The following SH3BP5L variants were observed in gnomAD, a reference collection of about 807,000 sequenced individuals.
SH3BP5L encodes SH3 binding domain protein 5 like, also known as SH3 domain-binding protein 5-like.
SH3BP5L carries 16 observed loss-of-function variants against 40.9 expected under a neutral mutation model. The observed-to-expected ratio is 0.39, with a 90% CI of 0.27 to 0.59. The LOEUF (loss-of-function observed/expected upper bound fraction) is 0.59. SH3BP5L is among the 20% of genes least tolerant of loss of function. The probability of loss-of-function intolerance (pLI) is 0.53; values close to 1 mark genes in which losing one functional copy is unlikely to be tolerated. For synonymous variants in SH3BP5L, 229 were observed against 226.7 expected (o/e 1.01, Z -0.09); for missense variants, 471 against 544.6 (o/e 0.86, Z 1.35).
rs1488648685 is a variant in SH3BP5L at position 248,816,528 on chromosome 1, C to T, written c.375+6G>A. ...GCCTTCCTCAAACGTGGTCAGCCAG[C>T]CATACCTCCTTAGCCAGCCGCCGAG... On this transcript the variant is annotated splice_donor_region_variant and intron_variant, in intron 4 of 6. Coordinates refer to ENST00000366472, the MANE Select transcript of SH3BP5L (RefSeq NM_030645.3). 1 of 1,613,806 alleles carries T rather than the reference C, an allele frequency of 6.2e-7. No homozygotes were observed. Among genetic ancestry groups the T allele is most frequent in the Admixed American group, 1.7e-5 (1 of 59,992 alleles).
rs754859644 is a variant in SH3BP5L at position 248,812,233 on chromosome 1, G to C, written c.849C>G (p.Pro283=). 1.9e-5 allele frequency: 31 copies of C among 1,609,606 alleles called. No homozygotes were observed. Among genetic ancestry groups the C allele is most frequent in the Admixed American group, 1.7e-4 (10 of 59,774 alleles). The part of the protein sequence containing the change: ...ARRRGGLPPH[P]LGPRRSSPVG... ...CGGGGGAGGAGCGCCGAGGGCCCAG[G>C]GGGTGGGGAGGCAGACCCCCGCGGC... The change falls in exon 7 of 7, where the codon CCC becomes CCG. Residue 283 remains proline (P), a synonymous_variant. Transcript: ENST00000366472. This position sits in a 1 kb window ranked among gnomAD's most constrained non-coding sequence, Gnocchi z 6.1.
In SH3BP5L at chr1:248,811,699, G is replaced by A; in HGVS notation, c.*201C>T. 1 of 523,440 alleles carries A rather than the reference G, an allele frequency of 1.9e-6. No homozygotes were observed. The highest frequency in any genetic ancestry group is 3.2e-5 in the East Asian group (1 of 31,086). The allele number at this position is 523,440 out of a possible 1,614,324, so 32.4% of individuals were successfully genotyped here. A position where few individuals can be genotyped will look rare whatever the true frequency, so the allele number is the denominator to read the frequency against. Reference sequence around the variant, plus strand: ...CTTCTGAATGGGTAAGGCAAAGAGAGCCGCCTGCTGAGGGGAAGGGGGAGG... The same window carrying A: ...CTTCTGAATGGGTAAGGCAAAGAGAACCGCCTGCTGAGGGGAAGGGGGAGG... On this transcript the variant is annotated 3_prime_UTR_variant, in exon 7 of 7. Coordinates refer to ENST00000366472, the MANE Select transcript of SH3BP5L (RefSeq NM_030645.3).
intron 4 of SH3BP5L, chr1:248,816,305 A>G (rs888443571): frequency 1.9e-6 from 1 of 529,830 alleles, no homozygotes; most frequent in African/African-American, 1.9e-5. Context: ...AGCAGGGCTG[A>G]ACTAAATATT....
chr1:248,811,862 G>T lies in SH3BP5L; in HGVS notation c.*38C>A, dbSNP rs1191517122. The T allele has an allele frequency of 1.4e-6, 2 of 1,416,532 alleles. No individual in the cohort carries two copies. The highest frequency in any genetic ancestry group is 2.3e-5 in the Admixed American group (1 of 43,096). 87.7% of individuals were successfully genotyped at this position (1,416,532 alleles called of 1,614,324 possible). On this transcript the variant is annotated 3_prime_UTR_variant, in exon 7 of 7. Coordinates refer to ENST00000366472, the MANE Select transcript of SH3BP5L (RefSeq NM_030645.3). ...GAAGACTGTGGGCCCCAACCGGCCC[G>T]TGGTGGCAGATTCAAGCCAGGAACC...
At chr1:248,820,578 GGAT>G (rs1664232813) in intron 2 of SH3BP5L, 1 of 152,206 alleles carries the variant, frequency 6.6e-6, no homozygotes, top group African/African-American at 2.4e-5. Flanking sequence ...ACTTGGGTCT[GGAT>G]CCAGGACCGA....
chr1:248,814,418 G>A (rs755622872), intron 5 of SH3BP5L, 31 bp downstream of exon 5: 21 of 1,612,108 alleles, frequency 1.3e-5, no homozygotes, highest in East Asian at 2.2e-5. Flanking sequence ...GAGAACCAGC[G>A]AAGGGGACCT....
Position 248,824,993 on chromosome 1 carries a change from G to T in SH3BP5L, c.-58C>A. The T allele has an allele frequency of 1.3e-6, 2 of 1,533,618 alleles. No individual in the cohort carries two copies. The highest frequency in any genetic ancestry group is 1.7e-6 in the Non-Finnish European group (2 of 1,145,118). ...AGAGAGGACTGACATGCTGGGACCA[G>T]GGCCCCAGCTTGGGGCTTCCTGGGC... On this transcript the variant is annotated 5_prime_UTR_variant, in exon 2 of 7. It adds an upstream start codon to the 5' untranslated region. Coordinates refer to ENST00000366472, the MANE Select transcript of SH3BP5L (RefSeq NM_030645.3).
At chr1:248,818,353 C>CA (rs1664162457) in intron 2 of SH3BP5L, among the ~76,000 whole-genome samples, 1 of 77,380 alleles carries the variant, frequency 1.3e-5, no homozygotes, top group Admixed American at 1.4e-4. Context: ...ATCACAAAAA[C>CA]AAAAAACAAA....
rs916259579 is a variant in SH3BP5L, at chr1:248,821,024, C to T, written c.183+3729G>A. The stretch of plus-strand genomic sequence containing the variant: ...GCACCTCCAGCAATTTACAGAAAGC[C>T]ATCTGCTGATGGGATCTGTCCCCTC... On this transcript the variant is annotated intron_variant, in intron 2 of 6. Transcript: ENST00000366472. The surrounding 1 kb of genome is among the most constrained non-coding windows in gnomAD (Gnocchi z 4.6). 1 of 152,208 alleles carries T rather than the reference C, an allele frequency of 6.6e-6. No homozygotes were observed. The highest frequency in any genetic ancestry group is 2.4e-5 in the African/African-American group (1 of 41,454). The allele number at this position is 152,208 out of a possible 1,614,324, so 9.4% of individuals were successfully genotyped here. A position where few individuals can be genotyped will look rare whatever the true frequency, so the allele number is the denominator to read the frequency against.
In SH3BP5L at chr1:248,810,474, A is replaced by C. The variant is rs557524027; in HGVS notation, c.*1426T>G. 1.8e-4 allele frequency: 28 copies of C among 152,438 alleles called. No homozygotes were observed. Among genetic ancestry groups the C allele is most frequent in the Admixed American group, 1.8e-3 (28 of 15,290 alleles). The allele number at this position is 152,438 out of a possible 1,614,324, so 9.4% of individuals were successfully genotyped here. A position where few individuals can be genotyped will look rare whatever the true frequency, so the allele number is the denominator to read the frequency against. ...ACTGTTACATAAACTACTTTATTTA[A>C]ATAAAACCAGGAAAGACCCTTTCCC... On this transcript the variant is annotated 3_prime_UTR_variant, in exon 7 of 7. Coordinates refer to ENST00000366472, the MANE Select transcript of SH3BP5L (RefSeq NM_030645.3).
In SH3BP5L at chr1:248,818,788, G is replaced by A. The variant is rs535100184; in HGVS notation, c.184-1904C>T. Among the ~76,000 whole-genome samples, 68 of 152,356 alleles carry A rather than the reference G, an allele frequency of 4.5e-4. No individual in the cohort carries two copies. In the South Asian group the frequency reaches 9.1e-3, roughly 20 times the overall value. ...GGTGAGCTAAGGACACTACTGAGGA[G>A]CAGTGCTGGTCTGTGCCAAGGGCCT... On this transcript the variant is annotated intron_variant, in intron 2 of 6. Coordinates refer to ENST00000366472, the MANE Select transcript of SH3BP5L (RefSeq NM_030645.3).
Position 248,816,869 on chromosome 1 carries a change from G to A in SH3BP5L, c.199C>T (p.Leu67=). 6.2e-7 allele frequency: 1 copy of A among 1,614,194 alleles called. No homozygotes were observed. Among genetic ancestry groups the A allele is most frequent in the South Asian group, 1.1e-5 (1 of 91,080 alleles). The change falls in exon 3 of 7, where the codon CTG becomes TTG. Residue 67 remains leucine, a synonymous_variant. Coordinates refer to ENST00000366472, the MANE Select transcript of SH3BP5L (RefSeq NM_030645.3). Reference sequence around the variant, plus strand: ...TTGATCTCCTCGCTGGCCTGGTTCAGGTGCTCCAACTCCTCCTGCCACAGA... The same window carrying A: ...TTGATCTCCTCGCTGGCCTGGTTCAAGTGCTCCAACTCCTCCTGCCACAGA... The part of the protein sequence containing the change: ...DPRIQEELEH[L]NQASEEINQV...
intron 4 of SH3BP5L, 181 bp downstream of exon 4, chr1:248,816,353 C>T (rs989069737): frequency 3.2e-6 from 2 of 634,874 alleles, no homozygotes. Flanking sequence ...AGACCATAAG[C>T]CCAGAGCCCA....
At chr1:248,818,169 G>A (rs1664156418) in intron 2 of SH3BP5L, among the ~76,000 whole-genome samples, 3 of 152,072 alleles carry the variant, frequency 2.0e-5, no homozygotes, top group Non-Finnish European at 4.4e-5. Flanking sequence ...CCAACATGGT[G>A]AAGCCCTGTC....
chr1:248,825,897 C>T lies in SH3BP5L; in HGVS notation c.-494G>A. The T allele has an allele frequency of 1.0e-6, 1 of 983,174 alleles. No homozygotes were observed. The highest frequency in any genetic ancestry group is 1.2e-6 in the Non-Finnish European group (1 of 828,192). The allele number at this position is 983,174 out of a possible 1,614,324, so 60.9% of individuals were successfully genotyped here. Reference sequence around the variant, plus strand: ...CAAACAATCTCCCCCCCTCCCTCCCCGCAACAAGCCGATCCAACCAAAAAC... The same window carrying T: ...CAAACAATCTCCCCCCCTCCCTCCCTGCAACAAGCCGATCCAACCAAAAAC... On this transcript the variant is annotated 5_prime_UTR_variant, in exon 1 of 7. Coordinates refer to ENST00000366472, the MANE Select transcript of SH3BP5L (RefSeq NM_030645.3).
chr1:248,825,783 A>T, intron 1 of SH3BP5L, 52 bp downstream of exon 1: 1 of 647,414 alleles, frequency 1.5e-6, no homozygotes. Context: ...CAAGGACCCT[A>T]CTCCCGTCCA....
Position 248,812,354 on chromosome 1 carries a change from A to G in SH3BP5L, c.728T>C (p.Val243Ala). The change falls in exon 7 of 7, where the codon GTG becomes GCG. Residue 243 changes from valine to alanine, a missense_variant. Coordinates refer to ENST00000366472, the MANE Select transcript of SH3BP5L (RefSeq NM_030645.3). This position sits in a 1 kb window ranked among gnomAD's most constrained non-coding sequence, Gnocchi z 6.1. ...AGCTACCTGCTGCTCCAGTTCTGTCACCTTGGCCTTGTGCTCCTGCAGAGG... is the reference window on the plus strand; with the variant it reads ...AGCTACCTGCTGCTCCAGTTCTGTCGCCTTGGCCTTGTGCTCCTGCAGAGG... The part of the protein sequence containing the change: ...SQILEEHKAK[V>A]TELEQQVAQA... 1 of 1,605,244 alleles carries G rather than the reference A, an allele frequency of 6.2e-7. No individual in the cohort carries two copies. Among genetic ancestry groups the G allele is most frequent in the Non-Finnish European group, 8.5e-7 (1 of 1,179,878 alleles).
intron 4 of SH3BP5L, 26 bp downstream of exon 4, chr1:248,816,507 TC>T (rs760520192): frequency 2.5e-6 from 4 of 1,613,252 alleles, no homozygotes; most frequent in Non-Finnish European, 3.4e-6. Flanking sequence ...CACGTAGCCT[TC>T]CTCAAACGTG....
At chr1:248,814,418 G>C in intron 5 of SH3BP5L, 31 bp downstream of exon 5, 1 of 1,612,108 alleles carries the variant, frequency 6.2e-7, no homozygotes, top group Non-Finnish European at 8.5e-7. Flanking sequence ...GAGAACCAGC[G>C]AAGGGGACCT....
Sources: gnomAD v4.1 joint callset for allele counts (sites outside exome capture counted in the v4.1 genomes callset) on GRCh38, gnomAD v4.1.1 for gene constraint, Gnocchi (gnomAD v3.1) non-coding constraint, MANE v1.5 for transcripts, NCBI Gene and HGNC (gene_info 2026-07-23, HGNC 2026-07-21) for gene names.